The following NFATC2 variants were observed in gnomAD, a reference collection of about 807,000 sequenced individuals.
The protein encoded by NFATC2 is nuclear factor of activated T-cells, cytoplasmic 2.
A neutral mutation model predicts 87.3 loss-of-function variants in NFATC2; 22 were observed. The ratio of observed to expected loss-of-function variants is 0.25; its 90% CI spans 0.18 to 0.36. The LOEUF (loss-of-function observed/expected upper bound fraction) is 0.36. Ranked by LOEUF, NFATC2 falls within the 10% of genes least tolerant of loss-of-function variation. NFATC2 has a pLI of 1.00. For missense variants in NFATC2, 1,149 were observed against 1,259.1 expected (o/e 0.91, Z 1.32); for synonymous variants, 565 against 542.2 (o/e 1.04, Z -0.58).
intron 10 of NFATC2, among the ~76,000 whole-genome samples, chr20:51,398,001 C>T (rs73267871): frequency 0.024 from 3,675 of 152,250 alleles, 159 homozygotes; most frequent in African/African-American, 0.084. Context: ...GGCCAGGCTC[C>T]TCTGTGGAGG....
rs1455931950 is a variant in NFATC2 at position 51,390,614 on chromosome 20, G to A, written c.*882C>T. On this transcript the variant is annotated 3_prime_UTR_variant, in exon 11 of 11. Transcript: ENST00000371564. Reference sequence around the variant, plus strand: ...CAAGTCTATGGAAATTGTGTTAGCAGGACTGCGTGCTGCAGGGGTTAAAGA... The same window carrying A: ...CAAGTCTATGGAAATTGTGTTAGCAAGACTGCGTGCTGCAGGGGTTAAAGA... The A allele has an allele frequency of 3.3e-5, 5 of 152,654 alleles. No individual in the cohort carries two copies. The highest frequency in any genetic ancestry group is 1.2e-4 in the African/African-American group (5 of 41,468). The allele number at this position is 152,654 out of a possible 1,614,324, so 9.5% of individuals were successfully genotyped here. A position where few individuals can be genotyped will look rare whatever the true frequency, so the allele number is the denominator to read the frequency against.
In NFATC2 at chr20:51,390,610, A is replaced by G. The variant is rs1181337452; in HGVS notation, c.*886T>C. 6.6e-6 allele frequency: 1 copy of G among 152,528 alleles called. No individual in the cohort carries two copies. Among genetic ancestry groups the G allele is most frequent in the African/African-American group, 2.4e-5 (1 of 41,456 alleles). 9.4% of individuals were successfully genotyped at this position (152,528 alleles called of 1,614,324 possible). On this transcript the variant is annotated 3_prime_UTR_variant, in exon 11 of 11. Transcript: ENST00000371564. The stretch of plus-strand genomic sequence containing the variant: ...CCCCCAAGTCTATGGAAATTGTGTT[A>G]GCAGGACTGCGTGCTGCAGGGGTTA...
At chr20:51,493,246 A>G (rs2075928452) in intron 3 of NFATC2, among the ~76,000 whole-genome samples, 1 of 152,188 alleles carries the variant, frequency 6.6e-6, no homozygotes, top group South Asian at 2.1e-4. Context: ...GCACTTGTAC[A>G]TTTCATAGAG....
intron 6 of NFATC2, among the ~76,000 whole-genome samples, chr20:51,444,591 T>C (rs1189541475): frequency 6.6e-6 from 1 of 151,976 alleles, no homozygotes; most frequent in African/African-American, 2.4e-5. Flanking sequence ...GGCAAATCCA[T>C]CCTCACCCGG....
chr20:51,431,657 A>C (rs1280619571), intron 9 of NFATC2, among the ~76,000 whole-genome samples: 1 of 151,956 alleles, frequency 6.6e-6, no homozygotes, highest in East Asian at 1.9e-4. Context: ...AGGGCTATAA[A>C]ATGGGATTTT....
intron 6 of NFATC2, among the ~76,000 whole-genome samples, chr20:51,446,310 T>C (rs1356677268): frequency 2.0e-5 from 3 of 152,182 alleles, no homozygotes; most frequent in African/African-American, 7.2e-5. Flanking sequence ...AGAGTGCAGG[T>C]AGAAGGGCAG....
intron 1 of NFATC2, among the ~76,000 whole-genome samples, chr20:51,541,031 C>T (rs1336403540): frequency 1.3e-5 from 2 of 152,132 alleles, no homozygotes; most frequent in Non-Finnish European, 2.9e-5. Context: ...TTGTTTCCAT[C>T]TCCAGCCAAG....
chr20:51,458,639 C>T lies in NFATC2; in HGVS notation c.1709-3951G>A, dbSNP rs368775305. ...TGGTGAAACCCCGTCTCTACTAAAA[C>T]TCCAAAAAAAAAAAAAAAGAAATTA... On this transcript the variant is annotated intron_variant, in intron 5 of 10. Transcript: ENST00000371564. 1.1e-4 allele frequency among the ~76,000 whole-genome samples: 15 copies of T among 138,034 alleles called. No homozygotes were observed. In the East Asian group the frequency reaches 2.0e-3, roughly 19 times the overall value. 90.6% of individuals were successfully genotyped at this position (138,034 alleles called of 152,430 possible). A position where few individuals can be genotyped will look rare whatever the true frequency, so the allele number is the denominator to read the frequency against.
chr20:51,429,868 TTC>T (rs1407122887), intron 9 of NFATC2, among the ~76,000 whole-genome samples: 1 of 152,146 alleles, frequency 6.6e-6, no homozygotes, highest in Non-Finnish European at 1.5e-5. Context: ...CCTCGCTCGG[TTC>T]TCTGAGACAT....
At chr20:51,504,083 C>T (rs1389010921) in intron 3 of NFATC2, among the ~76,000 whole-genome samples, 1 of 150,754 alleles carries the variant, frequency 6.6e-6, no homozygotes, top group African/African-American at 2.4e-5. Context: ...AGTGCAATGG[C>T]GCAATATTGG....
intron 9 of NFATC2, chr20:51,399,348 G>T (rs952172612): frequency 1.3e-5 from 2 of 152,240 alleles, no homozygotes; most frequent in East Asian, 1.9e-4. Flanking sequence ...TACAATGCCT[G>T]TGGCTTTCAA....
chr20:51,496,787 A>G (rs1302610343), intron 3 of NFATC2, among the ~76,000 whole-genome samples: 1 of 152,128 alleles, frequency 6.6e-6, no homozygotes, highest in Non-Finnish European at 1.5e-5. Flanking sequence ...TTGTTCAACC[A>G]ATCCCCTTGT....
chr20:51,511,866 T>A (rs2076276945), intron 3 of NFATC2, among the ~76,000 whole-genome samples: 1 of 152,182 alleles, frequency 6.6e-6, no homozygotes, highest in Non-Finnish European at 1.5e-5. Flanking sequence ...TCAAAACGTA[T>A]CATGTCTTCC....
At chr20:51,486,911 G>A (rs1282383832) in intron 3 of NFATC2, among the ~76,000 whole-genome samples, 1 of 152,266 alleles carries the variant, frequency 6.6e-6, no homozygotes, top group East Asian at 1.9e-4. Context: ...CTGAAAGTCA[G>A]AAGAGCAGAC....
At chr20:51,470,868 G>A (rs1374184546) in intron 5 of NFATC2, among the ~76,000 whole-genome samples, 1 of 152,158 alleles carries the variant, frequency 6.6e-6, no homozygotes, top group African/African-American at 2.4e-5. Context: ...AATTATTAGT[G>A]AGAACTAGAG....
intron 6 of NFATC2, among the ~76,000 whole-genome samples, chr20:51,444,987 C>T (rs570712863): frequency 6.6e-6 from 1 of 152,298 alleles, no homozygotes; most frequent in African/African-American, 2.4e-5. Context: ...AACCATCCCC[C>T]ACCGGGACAA....
chr20:51,402,021 A>AGGCACT (rs1200603709), intron 9 of NFATC2, among the ~76,000 whole-genome samples: 5 of 152,238 alleles, frequency 3.3e-5, no homozygotes, highest in African/African-American at 1.2e-4. Flanking sequence ...AATGGGAATC[A>AGGCACT]GGCACTGGTC....
intron 1 of NFATC2, among the ~76,000 whole-genome samples, chr20:51,530,120 G>A (rs1241860611): frequency 1.3e-5 from 2 of 152,176 alleles, no homozygotes; most frequent in Non-Finnish European, 2.9e-5. Flanking sequence ...AAAGAAAGGT[G>A]TCAATGGTAC....
rs975938223 is a variant in NFATC2 at position 51,390,291 on chromosome 20, T to A, written c.*1205A>T. 6.6e-6 allele frequency: 1 copy of A among 152,204 alleles called. No individual in the cohort carries two copies. Among genetic ancestry groups the A allele is most frequent in the African/African-American group, 2.4e-5 (1 of 41,446 alleles). The allele number at this position is 152,204 out of a possible 1,614,324, so 9.4% of individuals were successfully genotyped here. On this transcript the variant is annotated 3_prime_UTR_variant, in exon 11 of 11. Transcript: ENST00000371564. The stretch of plus-strand genomic sequence containing the variant: ...TTAACCAGTGAAGCTGGGAAGCACA[T>A]CCTGAGCTCGGCTGTCCCACTTAGA...
Sources: allele counts gnomAD v4.1 joint callset (sites outside exome capture counted in the v4.1 genomes callset), GRCh38; gene constraint gnomAD v4.1.1; transcripts MANE v1.5; gene names NCBI Gene and HGNC (gene_info 2026-07-23, HGNC 2026-07-21).